INPP4B: variants seen among roughly 807,000 people sequenced by gnomAD.
INPP4B encodes the protein inositol polyphosphate 4-phosphatase type II.
Under a neutral mutation model 122.5 loss-of-function variants are expected in INPP4B, and 55 were observed. That is an observed-to-expected ratio of 0.45 (90% CI 0.36 to 0.56). INPP4B has a LOEUF of 0.56. INPP4B is among the 20% of genes least tolerant of loss of function. The pLI is 0.00. For missense variants in INPP4B, 1,000 were observed against 1,097.7 expected, an observed-to-expected ratio of 0.91 and a Z score of 1.26; for synonymous variants, 403 against 388.7, an observed-to-expected ratio of 1.04 and a Z score of -0.43.
chr4:142,433,235 T>C (rs1809710843), intron 3 of INPP4B, among the ~76,000 whole-genome samples: 1 of 152,194 alleles, frequency 6.6e-6, no homozygotes. Context: ...CATTTACCTA[T>C]GGTTATGATA....
At chr4:142,486,715 TTTTC>T (rs1821243653) in intron 2 of INPP4B, among the ~76,000 whole-genome samples, 1 of 152,184 alleles carries the variant, frequency 6.6e-6, no homozygotes, top group African/African-American at 2.4e-5. Flanking sequence ...GTCTATTTTG[TTTTC>T]TTTTTTAAAG....
chr4:142,496,050 T>A (rs969658400), intron 2 of INPP4B, among the ~76,000 whole-genome samples: 21 of 152,272 alleles, frequency 1.4e-4, no homozygotes, highest in African/African-American at 4.8e-4. Context: ...TTTAACAATA[T>A]GATTTTTGTA....
intron 2 of INPP4B, among the ~76,000 whole-genome samples, chr4:142,672,915 G>T (rs186503309): frequency 1.3e-5 from 2 of 152,154 alleles, no homozygotes; most frequent in Admixed American, 1.3e-4. Context: ...TGTATATTAC[G>T]TGAGGTATAG....
chr4:142,303,968 T>G (rs1762446876), intron 9 of INPP4B, among the ~76,000 whole-genome samples: 1 of 152,144 alleles, frequency 6.6e-6, no homozygotes, highest in South Asian at 2.1e-4. Context: ...GATTTCTGTT[T>G]CAAACCAATG....
At chr4:142,612,769 A>G (rs1363025457) in intron 2 of INPP4B, among the ~76,000 whole-genome samples, 1 of 152,116 alleles carries the variant, frequency 6.6e-6, no homozygotes, top group Non-Finnish European at 1.5e-5. Context: ...CATCTCCTAA[A>G]GGCCCCATGT....
intron 14 of INPP4B, among the ~76,000 whole-genome samples, chr4:142,196,354 G>T (rs1266184501): frequency 6.6e-6 from 1 of 152,034 alleles, no homozygotes; most frequent in Non-Finnish European, 1.5e-5. Context: ...TGCTTGATGG[G>T]CACATCTGAG....
intron 2 of INPP4B, among the ~76,000 whole-genome samples, chr4:142,470,175 C>T (rs1237498416): frequency 1.3e-5 from 2 of 151,370 alleles, no homozygotes; most frequent in East Asian, 1.9e-4. Context: ...AAAAACTTCC[C>T]TAGTTTAAAA....
intron 25 of INPP4B, among the ~76,000 whole-genome samples, chr4:142,034,796 C>A (rs1389986052): frequency 6.6e-6 from 1 of 152,174 alleles, no homozygotes; most frequent in Admixed American, 6.6e-5. Flanking sequence ...TTACTCATAA[C>A]TAACTTCTCC....
chr4:142,254,317 G>GCA lies in INPP4B; in HGVS notation c.688+6173_688+6174dup, dbSNP rs1561636633. Among the ~76,000 whole-genome samples, 473 of 122,006 alleles carry GCA rather than the reference G, an allele frequency of 3.9e-3. 8 individuals carry two copies. Among genetic ancestry groups the GCA allele is most frequent in the African/African-American group, 0.013 (452 of 35,374 alleles). The allele number at this position is 122,006 out of a possible 152,430, so 80.0% of individuals were successfully genotyped here. On this transcript the variant is annotated intron_variant, in intron 11 of 25. Transcript: ENST00000262992. ...AGCGCCTCTCCTCCTCCAAAGGAAT[G>GCA]CAGTTCCTCACCAGCAACGGAACAA...
At chr4:142,368,548 G>C (rs1237244435) in intron 7 of INPP4B, among the ~76,000 whole-genome samples, 4 of 152,034 alleles carry the variant, frequency 2.6e-5, no homozygotes, top group African/African-American at 9.7e-5. Flanking sequence ...GCACACCGAA[G>C]CTACAGAGCA....
chr4:142,073,273 A>T (rs1768618985), intron 25 of INPP4B, among the ~76,000 whole-genome samples: 1 of 152,300 alleles, frequency 6.6e-6, no homozygotes, highest in South Asian at 2.1e-4. Flanking sequence ...TTTTGCTCAT[A>T]GGGCTTTAGG....
At chr4:142,654,020 C>A (rs1753602342) in intron 2 of INPP4B, among the ~76,000 whole-genome samples, 1 of 152,144 alleles carries the variant, frequency 6.6e-6, no homozygotes, top group African/African-American at 2.4e-5. Context: ...CACATATACA[C>A]CATGGAATAC....
intron 7 of INPP4B, among the ~76,000 whole-genome samples, chr4:142,389,759 A>G (rs994215912): frequency 3.9e-4 from 60 of 152,222 alleles, no homozygotes; most frequent in Non-Finnish European, 8.8e-5. Context: ...GCTAAGAGTT[A>G]CCATGATAAC....
chr4:142,082,385 A>G (rs890834458), intron 24 of INPP4B, among the ~76,000 whole-genome samples, 200 bp from the exon 25 acceptor site: 11 of 152,174 alleles, frequency 7.2e-5, no homozygotes, highest in African/African-American at 2.4e-4. Flanking sequence ...AATGGACCCA[A>G]TTTATTTCTT....
chr4:142,281,977 T>C (rs1453002814), intron 9 of INPP4B, among the ~76,000 whole-genome samples: 3 of 152,108 alleles, frequency 2.0e-5, no homozygotes, highest in Non-Finnish European at 4.4e-5. Flanking sequence ...ACTAGTACTA[T>C]TAAACGCTAA....
At position 142,246,127 on chromosome 4, in the gene INPP4B, T is replaced by TAC. The variant is rs200922395; in HGVS notation, c.689-8118_689-8117dup. 6.1e-3 allele frequency among the ~76,000 whole-genome samples: 920 copies of TAC among 149,688 alleles called. 30 individuals are homozygous for TAC. Among genetic ancestry groups the TAC allele is most frequent in the African/African-American group, 0.021 (842 of 39,998 alleles). Reference sequence around the variant, plus strand: ...ACACACATATATATATGTGTATGTATACACACACATATATATATACATATA... The same window carrying TAC: ...ACACACATATATATATGTGTATGTATACACACACACATATATATATACATATA... On this transcript the variant is annotated intron_variant, in intron 11 of 25. Transcript: ENST00000262992.
At chr4:142,532,526 C>A (rs1827738255) in intron 2 of INPP4B, among the ~76,000 whole-genome samples, 1 of 152,134 alleles carries the variant, frequency 6.6e-6, no homozygotes, top group African/African-American at 2.4e-5. Flanking sequence ...AAGATAGCAA[C>A]TTTCAACCAA....
chr4:142,199,214 A>G lies in INPP4B; in HGVS notation c.1073-6019T>C, dbSNP rs1004990527. Among the ~76,000 whole-genome samples, 12 of 152,166 alleles carry G rather than the reference A, an allele frequency of 7.9e-5. No individual in the cohort carries two copies. In the East Asian group the frequency reaches 2.3e-3, roughly 29 times the overall value. ...ACAATGTCGATAAAAAAATAAATATATAAATATTTAGATGCTCAATTCGGT... is the reference window on the plus strand; with the variant it reads ...ACAATGTCGATAAAAAAATAAATATGTAAATATTTAGATGCTCAATTCGGT... On this transcript the variant is annotated intron_variant, in intron 14 of 25. Transcript: ENST00000262992.
chr4:142,135,772 T>TTTTG (rs200564389), intron 18 of INPP4B, among the ~76,000 whole-genome samples: 5 of 126,606 alleles, frequency 3.9e-5, no homozygotes, highest in Admixed American at 7.9e-5. Flanking sequence ...TCAGGGTGTT[T>TTTTG]TTTGTTTGTT....
Sources: gnomAD v4.1 joint callset for allele counts (sites outside exome capture counted in the v4.1 genomes callset) on GRCh38, gnomAD v4.1.1 for gene constraint, MANE v1.5 for transcripts, NCBI Gene and HGNC (gene_info 2026-07-23, HGNC 2026-07-21) for gene names.